MAP2: variants seen among roughly 807,000 people sequenced by gnomAD.
MAP2 encodes microtubule associated protein 2, also known as microtubule-associated protein 2.
In MAP2, 14 loss-of-function variants were observed where a neutral mutation model predicts 137.6. The observed-to-expected ratio is 0.10, with a 90% CI of 0.07 to 0.16. The LOEUF (loss-of-function observed/expected upper bound fraction) is 0.16. Among genes scored for constraint, MAP2 ranks in the 10% least tolerant of loss-of-function variants. MAP2 has a pLI of 1.00. For missense variants in MAP2, 2,088 were observed against 2,191.5 expected (o/e 0.95, Z 0.94); for synonymous variants, 786 against 782.3 (o/e 1.00, Z -0.08).
At chr2:209,506,524 C>T (rs1224072837) in intron 1 of MAP2, among the ~76,000 whole-genome samples, 1 of 152,088 alleles carries the variant, frequency 6.6e-6, no homozygotes, top group African/African-American at 2.4e-5. Flanking sequence ...ATAGATGCTC[C>T]CTGTGGCGAG....
intron 2 of MAP2, among the ~76,000 whole-genome samples, chr2:209,556,131 C>T (rs1274011210): frequency 6.7e-6 from 1 of 150,284 alleles, no homozygotes; most frequent in Non-Finnish European, 1.5e-5. Context: ...GCCTCCAACT[C>T]CCGGGCTCAA....
chr2:209,524,061 G>A (rs549841124), intron 2 of MAP2, among the ~76,000 whole-genome samples: 9 of 151,898 alleles, frequency 5.9e-5, no homozygotes, highest in East Asian at 5.8e-4. Context: ...TAAATGCAGC[G>A]AAACAATTTA....
chr2:209,672,026 T>G (rs897351131), intron 5 of MAP2, among the ~76,000 whole-genome samples: 1 of 152,056 alleles, frequency 6.6e-6, no homozygotes, highest in South Asian at 2.1e-4. Flanking sequence ...ACACAATAAC[T>G]TTAAAATGCG....
chr2:209,651,603 C>T (rs2094803587), intron 4 of MAP2, among the ~76,000 whole-genome samples: 1 of 152,166 alleles, frequency 6.6e-6, no homozygotes, highest in Non-Finnish European at 1.5e-5. Context: ...ATTCTTTTCA[C>T]ATAGTTAGTG....
chr2:209,551,489 C>T (rs1388133265), intron 2 of MAP2, among the ~76,000 whole-genome samples: 1 of 152,174 alleles, frequency 6.6e-6, no homozygotes, highest in Non-Finnish European at 1.5e-5. Context: ...TTTGTATGTA[C>T]TTGTCCTTGC....
At chr2:209,680,562 AT>A (rs1414766601) in intron 6 of MAP2, among the ~76,000 whole-genome samples, 187 bp from the exon 7 acceptor site, 1 of 152,002 alleles carries the variant, frequency 6.6e-6, no homozygotes, top group South Asian at 2.1e-4. Flanking sequence ...TGCTTGTCTT[AT>A]TTTTTAGGTT....
chr2:209,675,729 T>C (rs1268114468), intron 5 of MAP2, among the ~76,000 whole-genome samples: 1 of 151,856 alleles, frequency 6.6e-6, no homozygotes, highest in Non-Finnish European at 1.5e-5. Context: ...GTAGAGTTGC[T>C]CAGTTATAAT....
intron 2 of MAP2, among the ~76,000 whole-genome samples, chr2:209,510,725 C>A (rs2061626345): frequency 6.6e-6 from 1 of 152,034 alleles, no homozygotes; most frequent in African/African-American, 2.4e-5. Flanking sequence ...TTAAAAATAT[C>A]AATCTAAACA....
intron 2 of MAP2, among the ~76,000 whole-genome samples, chr2:209,555,205 G>C (rs529530426): frequency 6.6e-6 from 1 of 152,004 alleles, no homozygotes; most frequent in South Asian, 2.1e-4. Context: ...TGTTTTGTAT[G>C]TTTGCTTCTA....
intron 2 of MAP2, among the ~76,000 whole-genome samples, chr2:209,511,962 G>A (rs974386622): frequency 6.6e-6 from 1 of 152,068 alleles, no homozygotes; most frequent in East Asian, 1.9e-4. Flanking sequence ...GGTGGATGTT[G>A]TGCTTCTTTT....
intron 5 of MAP2, among the ~76,000 whole-genome samples, chr2:209,666,613 T>G (rs898307562): frequency 6.6e-6 from 1 of 152,084 alleles, no homozygotes; most frequent in African/African-American, 2.4e-5. Context: ...AAAATACTGC[T>G]CAAGGAATTG....
intron 2 of MAP2, among the ~76,000 whole-genome samples, chr2:209,546,461 T>G (rs1049518480): frequency 6.6e-6 from 1 of 152,202 alleles, no homozygotes; most frequent in Non-Finnish European, 1.5e-5. Flanking sequence ...GTCTGTGGAG[T>G]CAGTGTCTGG....
chr2:209,571,887 A>G (rs1334756903), intron 2 of MAP2, among the ~76,000 whole-genome samples: 1 of 151,910 alleles, frequency 6.6e-6, no homozygotes, highest in Admixed American at 6.6e-5. Context: ...CTCTCTCTCC[A>G]TTTATACCAT....
chr2:209,484,171 C>G (rs2149868605), intron 1 of MAP2, among the ~76,000 whole-genome samples: 1 of 152,240 alleles, frequency 6.6e-6, no homozygotes, highest in East Asian at 1.9e-4. Context: ...TGATTTTTAA[C>G]TTGTGAGGGC....
chr2:209,522,099 T>A (rs1395890703), intron 2 of MAP2, among the ~76,000 whole-genome samples: 1 of 151,888 alleles, frequency 6.6e-6, no homozygotes, highest in Non-Finnish European at 1.5e-5. Context: ...AGAACAAGAG[T>A]CAGCATCATT....
chr2:209,682,257 G>A lies in MAP2; in HGVS notation c.454+1430G>A, dbSNP rs558131437. Reference sequence around the variant, plus strand: ...GGTAATCCCAGCACTTTGGGAGGCCGAGGCGGGCAGATCACTTGAGGTCAG... The same window carrying A: ...GGTAATCCCAGCACTTTGGGAGGCCAAGGCGGGCAGATCACTTGAGGTCAG... On this transcript the variant is annotated intron_variant, in intron 7 of 15. Transcript: ENST00000682079. 4.1e-4 allele frequency among the ~76,000 whole-genome samples: 63 copies of A among 152,092 alleles called. 1 individual carries two copies. Among genetic ancestry groups the A allele is most frequent in the Non-Finnish European group, 8.1e-4 (55 of 68,018 alleles).
At chr2:209,439,852 C>G (rs898344775) in intron 1 of MAP2, among the ~76,000 whole-genome samples, 14 of 151,458 alleles carry the variant, frequency 9.2e-5, no homozygotes, top group African/African-American at 3.1e-4. Flanking sequence ...TAGATATAGA[C>G]AAAGCACTGA....
rs111886861 is a variant in MAP2 at position 209,487,813 on chromosome 2, T to C, written c.-221-19779T>C. On this transcript the variant is annotated intron_variant, in intron 1 of 15. Coordinates refer to ENST00000682079, the MANE Select transcript of MAP2 (RefSeq NM_001375505.1). ...AACTCATACTTCTTATTGCTGTTTT[T>C]ATCATAAACCTTGAGTAAGGTAGCC... Among the ~76,000 whole-genome samples the C allele has an allele frequency of 6.1e-3, 935 of 152,318 alleles. 7 individuals are homozygous for C. Among genetic ancestry groups the C allele is most frequent in the African/African-American group, 0.021 (880 of 41,556 alleles).
intron 13 of MAP2, among the ~76,000 whole-genome samples, chr2:209,712,501 A>T (rs187032132): frequency 6.6e-6 from 1 of 152,296 alleles, no homozygotes; most frequent in Non-Finnish European, 1.5e-5. Flanking sequence ...TGGAGTTATG[A>T]GGTAACTTTT....
Sources: gnomAD v4.1 joint callset for allele counts (sites outside exome capture counted in the v4.1 genomes callset) on GRCh38, gnomAD v4.1.1 for gene constraint, MANE v1.5 for transcripts, NCBI Gene and HGNC (gene_info 2026-07-23, HGNC 2026-07-21) for gene names.